Variants in KCNB2 observed in about 807,000 individuals in gnomAD.
KCNB2 encodes the protein potassium voltage-gated channel subfamily B member 2, also known as delayed rectifier potassium channel protein.
Under a neutral mutation model 61.5 loss-of-function variants are expected in KCNB2, and 15 were observed. The observed-to-expected ratio is 0.24, with a 90% CI of 0.16 to 0.38. The LOEUF is 0.38. KCNB2 is among the 10% of genes least tolerant of loss of function. The pLI, the probability that KCNB2 is intolerant of heterozygous loss-of-function variation, is 1.00. For synonymous variants in KCNB2, 457 were observed against 446.0 expected (o/e 1.02, Z -0.31); for missense variants, 828 against 1,125.2 (o/e 0.74, Z 3.78).
rs748082610 is a variant in KCNB2, at chr8:72,937,064, A to G, written c.1709A>G (p.Tyr570Cys). The G allele has an allele frequency of 1.9e-6, 3 of 1,614,102 alleles. No individual in the cohort carries two copies. The highest frequency in any genetic ancestry group is 2.2e-5 in the South Asian group (2 of 91,078). ...GAAAAGCCTGAGAGGCCATCTGCAT[A>G]TGAAGAAGAGATTGAAATGGAAGAA... Reference protein sequence around the residue: ...CQEKPERPSAYEEEIEMEEVV... With the variant: ...CQEKPERPSACEEEIEMEEVV... The change falls in exon 3 of 3, where the codon TAT (tyrosine) becomes TGT (cysteine). Residue 570 changes from tyrosine (Y) to cysteine (C), a missense_variant. Physicochemically the swap from Tyr to Cys is radical, Grantham distance 194. Coordinates refer to ENST00000523207, the MANE Select transcript of KCNB2 (RefSeq NM_004770.3).
intron 2 of KCNB2, among the ~76,000 whole-genome samples, chr8:72,696,889 C>T (rs1807026658): frequency 6.6e-6 from 1 of 152,064 alleles, no homozygotes; most frequent in African/African-American, 2.4e-5. Context: ...AAAAGAATGG[C>T]TCTGTGTAAT....
rs113612164 is a variant in KCNB2, at chr8:72,608,840, C to T, written c.579+40527C>T. On this transcript the variant is annotated intron_variant, in intron 2 of 2. Coordinates refer to ENST00000523207, the MANE Select transcript of KCNB2 (RefSeq NM_004770.3). Reference sequence around the variant, plus strand: ...AGAGTACATAGCTTCACAACTTGGCCCAACTTGTGAAGTTTGGGCTTCACC... The same window carrying T: ...AGAGTACATAGCTTCACAACTTGGCTCAACTTGTGAAGTTTGGGCTTCACC... 3.0e-3 allele frequency among the ~76,000 whole-genome samples: 458 copies of T among 152,150 alleles called. 2 individuals are homozygous for T. Among genetic ancestry groups the T allele is most frequent in the African/African-American group, 0.011 (436 of 41,492 alleles).
chr8:72,757,853 G>T (rs1433462634), intron 2 of KCNB2, among the ~76,000 whole-genome samples: 2 of 152,206 alleles, frequency 1.3e-5, no homozygotes, highest in East Asian at 3.9e-4. Flanking sequence ...ATCCCAAGAA[G>T]TGCTGAGCTT....
At chr8:72,553,303 G>A (rs997187009) in intron 1 of KCNB2, among the ~76,000 whole-genome samples, 4 of 152,034 alleles carry the variant, frequency 2.6e-5, no homozygotes, top group African/African-American at 7.2e-5. Context: ...TTGCCCATTT[G>A]TCTGACTCTT....
intron 2 of KCNB2, among the ~76,000 whole-genome samples, chr8:72,638,392 T>C (rs901581762): frequency 6.6e-6 from 1 of 152,162 alleles, no homozygotes; most frequent in South Asian, 2.1e-4. Flanking sequence ...CCAGGGGCTA[T>C]TTCCACCTAG....
chr8:72,546,903 G>A (rs1025467494), intron 1 of KCNB2, among the ~76,000 whole-genome samples: 1 of 152,310 alleles, frequency 6.6e-6, no homozygotes, highest in African/African-American at 2.4e-5. Context: ...GAAAGGTGAC[G>A]CCATTTAGGC....
chr8:72,864,967 T>C (rs1199680638), intron 2 of KCNB2, among the ~76,000 whole-genome samples: 1 of 152,142 alleles, frequency 6.6e-6, no homozygotes, highest in Admixed American at 6.6e-5. Flanking sequence ...ACAGGTTTCA[T>C]CTTCTCCCCC....
chr8:72,687,983 A>C (rs986051076), intron 2 of KCNB2, among the ~76,000 whole-genome samples: 11 of 152,280 alleles, frequency 7.2e-5, no homozygotes, highest in African/African-American at 1.7e-4. Context: ...TGTGAGACAA[A>C]GTGTGGAAAG....
chr8:72,662,327 T>C (rs1484328805), intron 2 of KCNB2, among the ~76,000 whole-genome samples: 1 of 152,152 alleles, frequency 6.6e-6, no homozygotes, highest in Non-Finnish European at 1.5e-5. Flanking sequence ...CTGGGGAGCA[T>C]GCTACCCATG....
At chr8:72,693,314 G>A (rs572494145) in intron 2 of KCNB2, among the ~76,000 whole-genome samples, 2 of 152,294 alleles carry the variant, frequency 1.3e-5, no homozygotes, top group South Asian at 4.1e-4. Flanking sequence ...TGAACAAAGT[G>A]GAGACCACTC....
At chr8:72,689,717 A>G (rs1330100617) in intron 2 of KCNB2, among the ~76,000 whole-genome samples, 1 of 152,146 alleles carries the variant, frequency 6.6e-6, no homozygotes, top group Non-Finnish European at 1.5e-5. Context: ...ATGTGGTGGC[A>G]TATATCAGTA....
chr8:72,561,763 A>G lies in KCNB2; in HGVS notation c.-93-5879A>G, dbSNP rs796404226. The stretch of plus-strand genomic sequence containing the variant: ...TATATATATGTATATATATATATGG[A>G]TATATATATATATGGATATATATAT... On this transcript the variant is annotated intron_variant, in intron 1 of 2. Transcript: ENST00000523207. Among the ~76,000 whole-genome samples, 48 of 6,174 alleles carry G rather than the reference A, an allele frequency of 7.8e-3. 3 individuals are homozygous for G. The highest frequency in any genetic ancestry group is 0.026 in the African/African-American group (40 of 1,564). The allele number at this position is 6,174 out of a possible 152,430, so 4.1% of individuals were successfully genotyped here. A position where few individuals can be genotyped will look rare whatever the true frequency, so the allele number is the denominator to read the frequency against.
chr8:72,801,327 A>T (rs1308793664), intron 2 of KCNB2, among the ~76,000 whole-genome samples: 2 of 152,184 alleles, frequency 1.3e-5, no homozygotes, highest in Non-Finnish European at 2.9e-5. Context: ...TAACATTTTA[A>T]TTCTGTAAAA....
intron 2 of KCNB2, among the ~76,000 whole-genome samples, chr8:72,588,026 A>G (rs1563531414): frequency 6.6e-6 from 1 of 152,146 alleles, no homozygotes; most frequent in East Asian, 1.9e-4. Flanking sequence ...TGTGGAACAC[A>G]TTTACTGAAA....
intron 2 of KCNB2, among the ~76,000 whole-genome samples, chr8:72,699,112 A>G (rs1273916479): frequency 6.6e-6 from 1 of 152,210 alleles, no homozygotes; most frequent in Admixed American, 6.5e-5. Context: ...GTAACTGACA[A>G]AGGTATGACA....
chr8:72,539,702 C>A (rs753475328), intron 1 of KCNB2, among the ~76,000 whole-genome samples: 25 of 152,250 alleles, frequency 1.6e-4, no homozygotes, highest in South Asian at 4.1e-4. Context: ...CTTTTCTTTT[C>A]TTCTGTTTTT....
intron 2 of KCNB2, among the ~76,000 whole-genome samples, chr8:72,683,380 G>T (rs1806795943): frequency 6.6e-6 from 1 of 152,184 alleles, no homozygotes; most frequent in African/African-American, 2.4e-5. Context: ...AAAGAAAGAA[G>T]AAAACAATAA....
chr8:72,863,489 G>GA (rs1805451924), intron 2 of KCNB2, among the ~76,000 whole-genome samples: 1 of 152,206 alleles, frequency 6.6e-6, no homozygotes, highest in Non-Finnish European at 1.5e-5. Flanking sequence ...TAAAGGAAAA[G>GA]AAAAAAACAG....
rs753065399 is a variant in KCNB2, at chr8:72,845,684, G to A, written c.580-90251G>A. ...GCAGTCTGGCTATAGCAGCTTTGCC[G>A]AGCTGCAGTGGGCTTCGCCCGGTTC... is the stretch of plus-strand genomic sequence containing the variant. On this transcript the variant is annotated intron_variant, in intron 2 of 2. Transcript: ENST00000523207. 3.9e-5 allele frequency among the ~76,000 whole-genome samples: 6 copies of A among 152,326 alleles called. No individual in the cohort carries two copies. The Middle Eastern group carries it at 0.014, about 345-fold the overall frequency.
Sources: allele counts gnomAD v4.1 joint callset (sites outside exome capture counted in the v4.1 genomes callset), GRCh38; gene constraint gnomAD v4.1.1; transcripts MANE v1.5; gene names NCBI Gene and HGNC (gene_info 2026-07-23, HGNC 2026-07-21).